The following TENT4B variants were observed in gnomAD, a reference collection of about 807,000 sequenced individuals.
TENT4B encodes the protein terminal nucleotidyltransferase 4B.
TENT4B carries 10 observed loss-of-function variants against 75.0 expected under a neutral mutation model. The observed-to-expected ratio is 0.13, with a 90% CI of 0.08 to 0.23. The LOEUF is 0.23. Among genes scored for constraint, TENT4B ranks in the 10% least tolerant of loss-of-function variants. The pLI, the probability that TENT4B is intolerant of heterozygous loss-of-function variation, is 1.00. For synonymous variants in TENT4B, 350 were observed against 357.7 expected (o/e 0.98, Z 0.24); for missense variants, 579 against 893.8 (o/e 0.65, Z 4.49).
chr16:50,185,834 C>T (rs929929461), intron 1 of TENT4B, among the ~76,000 whole-genome samples: 4 of 152,104 alleles, frequency 2.6e-5, no homozygotes, highest in African/African-American at 9.7e-5. Context: ...GGTGACCTGT[C>T]CTCAGAGGCA....
intron 1 of TENT4B, among the ~76,000 whole-genome samples, chr16:50,166,305 G>T (rs1317684511): frequency 6.6e-6 from 1 of 151,960 alleles, no homozygotes; most frequent in Non-Finnish European, 1.5e-5. Flanking sequence ...GGCTGGTCTT[G>T]AACTCCTGAT....
chr16:50,153,167 C>T (rs372310395), upstream of TENT4B: 49 of 26,752 alleles, frequency 1.8e-3, no homozygotes, highest in East Asian at 0.035. Context: ...GGGGCGAGCG[C>T]GTGAGGGCGG....
intron 1 of TENT4B, among the ~76,000 whole-genome samples, chr16:50,167,357 G>T (rs2038120458): frequency 6.7e-6 from 1 of 150,268 alleles, no homozygotes; most frequent in Non-Finnish European, 1.5e-5. Flanking sequence ...CAGATGGATG[G>T]TTTGTAGATA....
At chr16:50,164,832 G>A (rs897317125) in intron 1 of TENT4B, among the ~76,000 whole-genome samples, 5 of 151,910 alleles carry the variant, frequency 3.3e-5, no homozygotes, top group African/African-American at 1.2e-4. Context: ...CAGGTGGATC[G>A]CTTGAGTCCA....
intron 1 of TENT4B, among the ~76,000 whole-genome samples, chr16:50,178,362 T>A (rs754621674): frequency 6.6e-6 from 1 of 151,930 alleles, no homozygotes; most frequent in Non-Finnish European, 1.5e-5. Flanking sequence ...GGAGGATTGC[T>A]TGAGCCCTGG....
intron 2 of TENT4B, 94 bp downstream of exon 2, chr16:50,211,540 A>G: frequency 7.4e-7 from 1 of 1,356,942 alleles, no homozygotes; most frequent in East Asian, 2.8e-5. Flanking sequence ...CCTCACATGC[A>G]AGTAGAAGTG....
intron 1 of TENT4B, among the ~76,000 whole-genome samples, chr16:50,167,439 A>G (rs550173027): frequency 3.4e-5 from 5 of 148,306 alleles, no homozygotes; most frequent in Non-Finnish European, 5.9e-5. Context: ...AATTAAACTG[A>G]TTAAAAGCTT....
chr16:50,226,777 G>A (rs975829608), intron 10 of TENT4B, among the ~76,000 whole-genome samples: 1 of 152,138 alleles, frequency 6.6e-6, no homozygotes, highest in East Asian at 1.9e-4. Flanking sequence ...GTACAATTCA[G>A]TGGTTTTTAG....
chr16:50,173,855 G>A lies in TENT4B; in HGVS notation c.638+19596G>A, dbSNP rs546374293. ...ATTACAGGCGCCCGCCACCATGCCC[G>A]GCTAGTTTTTGTATTTTTAGTAGAG... is the stretch of plus-strand genomic sequence containing the variant. On this transcript the variant is annotated intron_variant, in intron 1 of 11. Coordinates refer to ENST00000561678, the MANE Select transcript of TENT4B (RefSeq NM_001365324.3). Among the ~76,000 whole-genome samples the A allele has an allele frequency of 2.0e-5, 3 of 152,054 alleles. No homozygotes were observed. In the East Asian group the frequency reaches 5.8e-4, roughly 29 times the overall value.
rs537190662 is a variant in TENT4B at position 50,220,786 on chromosome 16, C to T, written c.1039-1520C>T. Among the ~76,000 whole-genome samples the T allele has an allele frequency of 1.9e-3, 282 of 152,256 alleles. 1 individual carries two copies. The highest frequency in any genetic ancestry group is 6.6e-3 in the African/African-American group (274 of 41,554). ...TCAAGAGATCCACCCGCCTCAGCCT[C>T]CCAGAGTGCTGGGATTACAGATATG... On this transcript the variant is annotated intron_variant, in intron 5 of 11. Transcript: ENST00000561678.
rs2032264656 is a variant in TENT4B at position 50,230,683 on chromosome 16, T to C, written c.*1355T>C. 3 of 985,662 alleles carry C rather than the reference T, an allele frequency of 3.0e-6. No homozygotes were observed. Among genetic ancestry groups the C allele is most frequent in the Non-Finnish European group, 3.6e-6 (3 of 829,724 alleles). The allele number at this position is 985,662 out of a possible 1,614,324, so 61.1% of individuals were successfully genotyped here. A position where few individuals can be genotyped will look rare whatever the true frequency, so the allele number is the denominator to read the frequency against. On this transcript the variant is annotated 3_prime_UTR_variant, in exon 12 of 12. Coordinates refer to ENST00000561678, the MANE Select transcript of TENT4B (RefSeq NM_001365324.3). ...TCGTTAATTAAAACTTTTTTAAACATTGGCTTGTTTCAATCATACTGTAAA... is the reference window on the plus strand; with the variant it reads ...TCGTTAATTAAAACTTTTTTAAACACTGGCTTGTTTCAATCATACTGTAAA...
intron 1 of TENT4B, among the ~76,000 whole-genome samples, chr16:50,174,289 G>A (rs1028440949): frequency 1.1e-4 from 17 of 151,932 alleles, no homozygotes; most frequent in Non-Finnish European, 1.9e-4. Flanking sequence ...GTAGGGACAG[G>A]GTTTTGCCAT....
chr16:50,188,499 A>T, intron 1 of TENT4B, among the ~76,000 whole-genome samples: 1 of 152,228 alleles, frequency 6.6e-6, no homozygotes, highest in East Asian at 1.9e-4. Flanking sequence ...TTTCTAGGGA[A>T]GCATCTCGAT....
At chr16:50,219,181 G>A (rs930818039) in intron 5 of TENT4B, among the ~76,000 whole-genome samples, 1 of 152,106 alleles carries the variant, frequency 6.6e-6, no homozygotes, top group Non-Finnish European at 1.5e-5. Context: ...ACATTCATCA[G>A]TATAAAGAGA....
intron 1 of TENT4B, among the ~76,000 whole-genome samples, chr16:50,188,901 C>G (rs1278053182): frequency 1.3e-5 from 2 of 152,200 alleles, no homozygotes; most frequent in Non-Finnish European, 2.9e-5. Flanking sequence ...TACATGCTGA[C>G]ATTTCTGGTT....
At chr16:50,187,869 T>C (rs1259598843) in intron 1 of TENT4B, among the ~76,000 whole-genome samples, 2 of 151,932 alleles carry the variant, frequency 1.3e-5, no homozygotes, top group East Asian at 1.9e-4. Context: ...CTCTATATTT[T>C]AAAAAAAGAA....
At position 50,212,989 on chromosome 16, in the gene TENT4B, G is replaced by T. The variant is rs144616329; in HGVS notation, c.763-1232G>T. 8.8e-4 allele frequency among the ~76,000 whole-genome samples: 134 copies of T among 152,244 alleles called. 1 individual carries two copies. The highest frequency in any genetic ancestry group is 3.1e-3 in the African/African-American group (130 of 41,538). ...GGCAGCCATCATCTGTCTACCTACA[G>T]ATGAGGAACATGAGCTTGTGGTTAG... On this transcript the variant is annotated intron_variant, in intron 2 of 11. Transcript: ENST00000561678.
upstream of TENT4B, chr16:50,153,096 C>T: frequency 7.6e-7 from 1 of 1,309,560 alleles, no homozygotes; most frequent in Non-Finnish European, 9.9e-7. Context: ...GGCCCCGTCG[C>T]GCCGCGGCCT....
chr16:50,211,904 C>T (rs1200037279), intron 2 of TENT4B, among the ~76,000 whole-genome samples: 2 of 152,160 alleles, frequency 1.3e-5, no homozygotes, highest in Non-Finnish European at 2.9e-5. Flanking sequence ...TTGGCTAATG[C>T]ACGCATAAGT....
Sources: allele counts gnomAD v4.1 joint callset (sites outside exome capture counted in the v4.1 genomes callset), GRCh38; gene constraint gnomAD v4.1.1; transcripts MANE v1.5; gene names NCBI Gene and HGNC (gene_info 2026-07-23, HGNC 2026-07-21).